The following VIT variants were observed in gnomAD, a reference collection of about 807,000 sequenced individuals.
VIT encodes the protein vitrin.
VIT carries 99 observed loss-of-function variants against 78.0 expected under a neutral mutation model. That is an observed-to-expected ratio of 1.27 (90% CI 1.08 to 1.50). VIT has a LOEUF of 1.50. VIT is among the 40% of genes most tolerant of loss of function. The pLI is 0.00. For missense variants in VIT, 1,126 were observed against 875.3 expected, an observed-to-expected ratio of 1.29 and a Z score of -3.61; for synonymous variants, 374 against 334.3, an observed-to-expected ratio of 1.12 and a Z score of -1.29.
intron 4 of VIT, among the ~76,000 whole-genome samples, chr2:36,744,970 T>A (rs1201825268): frequency 1.3e-5 from 2 of 152,182 alleles, no homozygotes; most frequent in East Asian, 3.8e-4. Context: ...AAGTCTTTAA[T>A]CCATCTTGAG....
intron 13 of VIT, among the ~76,000 whole-genome samples, chr2:36,804,806 G>A (rs185091917): frequency 1.3e-5 from 2 of 151,580 alleles, no homozygotes; most frequent in African/African-American, 2.4e-5. Context: ...CTCCAGCCTG[G>A]CAACAGAGTG....
At chr2:36,739,913 T>C (rs1199567255) in intron 3 of VIT, among the ~76,000 whole-genome samples, 1 of 152,182 alleles carries the variant, frequency 6.6e-6, no homozygotes, top group Non-Finnish European at 1.5e-5. Flanking sequence ...TGGAAGAGGC[T>C]TTTGTCTTGC....
intron 1 of VIT, among the ~76,000 whole-genome samples, chr2:36,707,520 C>T (rs1665505698): frequency 6.6e-6 from 1 of 152,174 alleles, no homozygotes; most frequent in African/African-American, 2.4e-5. Context: ...GCTGATGGGC[C>T]CAAGCCTGGA....
In VIT at chr2:36,768,229, C is replaced by A. The variant is rs143186933; in HGVS notation, c.679+944C>A. On this transcript the variant is annotated intron_variant, in intron 7 of 15. Transcript: ENST00000379242. ...AGCAGATCACTTGAGGCCTGGAGTT[C>A]AAGACCAGCCTGGCCAGCATGGTGA... 8.4e-3 allele frequency among the ~76,000 whole-genome samples: 1,286 copies of A among 152,220 alleles called. 22 individuals carry two copies. Among genetic ancestry groups the A allele is most frequent in the African/African-American group, 0.03 (1,227 of 41,538 alleles).
intron 12 of VIT, among the ~76,000 whole-genome samples, chr2:36,791,024 C>T (rs1043217428): frequency 6.6e-6 from 1 of 152,224 alleles, no homozygotes; most frequent in African/African-American, 2.4e-5. Flanking sequence ...ACTACACTTT[C>T]ATTTCAGGCC....
At chr2:36,720,320 G>C (rs79731868) in intron 2 of VIT, among the ~76,000 whole-genome samples, 2,198 of 152,144 alleles carry the variant, frequency 0.014, 59 homozygotes, top group African/African-American at 0.051. Context: ...AAAATAAAGA[G>C]CCCAGAAAGA....
chr2:36,786,345 C>T (rs1162545681), intron 11 of VIT, among the ~76,000 whole-genome samples: 1 of 152,192 alleles, frequency 6.6e-6, no homozygotes, highest in Non-Finnish European at 1.5e-5. Flanking sequence ...TTCCTGTCTA[C>T]CGCAAAGGAA....
rs1283946304 is a variant in VIT, at chr2:36,812,564, C to A, written c.1904-1619C>A. ...CATCCTCTCCTCCCTGGGTCATCTT[C>A]TCCCCACTGCAATCCAACACCTGCA... On this transcript the variant is annotated intron_variant, in intron 15 of 15. Coordinates refer to ENST00000379242, the MANE Select transcript of VIT (RefSeq NM_053276.4). Among the ~76,000 whole-genome samples the A allele has an allele frequency of 2.6e-5, 4 of 152,128 alleles. No homozygotes were observed. The East Asian group carries it at 7.7e-4, about 29-fold the overall frequency.
At chr2:36,778,760 A>T (rs923704880) in intron 9 of VIT, among the ~76,000 whole-genome samples, 1 of 152,174 alleles carries the variant, frequency 6.6e-6, no homozygotes, top group East Asian at 1.9e-4. Flanking sequence ...TCGGTACAGC[A>T]AGAAGCAGCT....
At chr2:36,728,242 T>A (rs1018413894) in intron 2 of VIT, among the ~76,000 whole-genome samples, 14 of 152,154 alleles carry the variant, frequency 9.2e-5, no homozygotes, top group Non-Finnish European at 1.8e-4. Context: ...GTATTTTCTA[T>A]CCTATATTTT....
intron 11 of VIT, 98 bp downstream of exon 11, chr2:36,783,500 T>G: frequency 1.7e-6 from 2 of 1,194,874 alleles, no homozygotes; most frequent in Non-Finnish European, 2.4e-6. Flanking sequence ...GCCTCTCTCC[T>G]ACCGTGGATC....
chr2:36,709,208 G>C (rs1394557346), intron 1 of VIT, among the ~76,000 whole-genome samples: 1 of 152,104 alleles, frequency 6.6e-6, no homozygotes, highest in Non-Finnish European at 1.5e-5. Context: ...TTAGAATGAA[G>C]ATGGAGTAAG....
rs533400540 is a variant in VIT, at chr2:36,739,763, G to A, written c.119-3337G>A. Among the ~76,000 whole-genome samples, 28 of 152,264 alleles carry A rather than the reference G, an allele frequency of 1.8e-4. No individual in the cohort carries two copies. The South Asian group carries it at 1.9e-3, about 10-fold the overall frequency. ...GACGGTGGGTGGGTGGGGTCGCAAAGGGAGAAGCGGAGCAGGTGGCCAAGC... is the reference window on the plus strand; with the variant it reads ...GACGGTGGGTGGGTGGGGTCGCAAAAGGAGAAGCGGAGCAGGTGGCCAAGC... On this transcript the variant is annotated intron_variant, in intron 3 of 15. Coordinates refer to ENST00000379242, the MANE Select transcript of VIT (RefSeq NM_053276.4).
intron 9 of VIT, among the ~76,000 whole-genome samples, chr2:36,778,384 G>C (rs546809884): frequency 1.7e-4 from 26 of 152,228 alleles, no homozygotes; most frequent in Non-Finnish European, 1.2e-4. Context: ...CAGGGGTGGT[G>C]GGCTCCTGAT....
chr2:36,703,281 T>C (rs1044212055), intron 1 of VIT, among the ~76,000 whole-genome samples: 11 of 152,264 alleles, frequency 7.2e-5, no homozygotes, highest in Admixed American at 2.0e-4. Flanking sequence ...AGACAAGTTA[T>C]AGGCATTTTC....
intron 9 of VIT, among the ~76,000 whole-genome samples, chr2:36,778,242 C>G (rs970884881): frequency 8.5e-5 from 13 of 152,202 alleles, no homozygotes; most frequent in African/African-American, 3.1e-4. Flanking sequence ...TTCACAGGCC[C>G]CACACTCTCC....
At chr2:36,718,058 T>C (rs1448711933) in intron 2 of VIT, among the ~76,000 whole-genome samples, 2 of 152,196 alleles carry the variant, frequency 1.3e-5, no homozygotes, top group African/African-American at 4.8e-5. Flanking sequence ...TCTGCACATT[T>C]TCCCTTTTTA....
chr2:36,750,763 G>A (rs1277999284), intron 4 of VIT, among the ~76,000 whole-genome samples: 1 of 151,716 alleles, frequency 6.6e-6, no homozygotes, highest in Non-Finnish European at 1.5e-5. Flanking sequence ...GGAGGTTGCG[G>A]TGAGCCAAGA....
chr2:36,733,608 T>C (rs1667336646), intron 3 of VIT, among the ~76,000 whole-genome samples: 1 of 152,218 alleles, frequency 6.6e-6, no homozygotes, highest in Admixed American at 6.5e-5. Flanking sequence ...GCATTACAGA[T>C]TTACATGCAT....
Sources: gnomAD v4.1 joint callset for allele counts (sites outside exome capture counted in the v4.1 genomes callset) on GRCh38, gnomAD v4.1.1 for gene constraint, MANE v1.5 for transcripts, NCBI Gene and HGNC (gene_info 2026-07-23, HGNC 2026-07-21) for gene names.